PRTN3: variants seen among roughly 807,000 people sequenced by gnomAD.
The protein encoded by PRTN3 is myeloblastin.
Under a neutral mutation model 20.7 loss-of-function variants are expected in PRTN3, and 22 were observed. The ratio of observed to expected loss-of-function variants is 1.06; its 90% CI spans 0.76 to 1.52. The LOEUF (loss-of-function observed/expected upper bound fraction) is 1.52, where lower values mean the gene tolerates loss of function less well. Ranked by LOEUF, PRTN3 falls within the 40% of genes most tolerant of loss-of-function variation. The pLI is 0.00. For synonymous variants in PRTN3, 173 were observed against 152.9 expected (o/e 1.13, Z -0.97); for missense variants, 378 against 359.6 (o/e 1.05, Z -0.41).
intron 1 of PRTN3, among the ~76,000 whole-genome samples, chr19:841,877 A>G (rs12976467): frequency 0.43 from 60,248 of 141,620 alleles, 13,454 homozygotes; most frequent in Admixed American, 0.54. Context: ...ACAGGCGCCC[A>G]CCACCATGCC....
At chr19:847,038 G>A (rs902557484) in intron 4 of PRTN3, among the ~76,000 whole-genome samples, 3 of 152,164 alleles carry the variant, frequency 2.0e-5, no homozygotes, top group Admixed American at 1.3e-4. Context: ...AGCAGTGGTG[G>A]CTCACGCCTG....
At chr19:842,338 T>C (rs1462523373) in intron 1 of PRTN3, among the ~76,000 whole-genome samples, 2 of 144,014 alleles carry the variant, frequency 1.4e-5, no homozygotes, top group Non-Finnish European at 3.0e-5. Flanking sequence ...TTTTTTTTGC[T>C]TCTTTTTTTT....
chr19:842,884 C>T (rs544370242), intron 1 of PRTN3, among the ~76,000 whole-genome samples: 1 of 148,784 alleles, frequency 6.7e-6, no homozygotes, highest in Non-Finnish European at 1.5e-5. Flanking sequence ...CAACCGCACC[C>T]GACCAATTTT....
In PRTN3 at chr19:843,444, G is replaced by C. The variant is rs1486971704; in HGVS notation, c.62-17G>C. 6.5e-7 allele frequency: 1 copy of C among 1,541,696 alleles called. No homozygotes were observed. Among genetic ancestry groups the C allele is most frequent in the African/African-American group, 1.4e-5 (1 of 73,088 alleles). Reference sequence around the variant, plus strand: ...GCAGCCTGGGGGCTCCCTGACGCCTGGACTCCCCCCCTGCAGGTGCTGCCC... The same window carrying C: ...GCAGCCTGGGGGCTCCCTGACGCCTCGACTCCCCCCCTGCAGGTGCTGCCC... On this transcript the variant is annotated splice_polypyrimidine_tract_variant and intron_variant, in intron 1 of 4. Coordinates refer to ENST00000234347, the MANE Select transcript of PRTN3 (RefSeq NM_002777.4).
In PRTN3 at chr19:847,992, C is replaced by A; in HGVS notation, c.*23C>A. 6.3e-7 allele frequency: 1 copy of A among 1,579,144 alleles called. No individual in the cohort carries two copies. The highest frequency in any genetic ancestry group is 8.6e-7 in the Non-Finnish European group (1 of 1,164,010). On this transcript the variant is annotated 3_prime_UTR_variant, in exon 5 of 5. Coordinates refer to ENST00000234347, the MANE Select transcript of PRTN3 (RefSeq NM_002777.4). ...TGAACCGCCCCTCCCACAGCGCTGG[C>A]CGGGACCCCGAGCCTGGCTCCAAAC...
intron 3 of PRTN3, among the ~76,000 whole-genome samples, chr19:844,946 ATTT>A (rs1203344875): frequency 1.6e-5 from 2 of 123,108 alleles, no homozygotes; most frequent in African/African-American, 3.1e-5. Flanking sequence ...TATAAAAGAC[ATTT>A]TTTTTTTTTT....
At chr19:843,310 C>T (rs1369194761) in intron 1 of PRTN3, 151 bp from the exon 2 acceptor site, 34 of 746,994 alleles carry the variant, frequency 4.6e-5, no homozygotes, top group Non-Finnish European at 2.1e-6. Context: ...ACCCCCCCGG[C>T]CTGGGCGCTG....
At chr19:846,561 C>T (rs530254964) in intron 4 of PRTN3, among the ~76,000 whole-genome samples, 184 bp downstream of exon 4, 23 of 152,278 alleles carry the variant, frequency 1.5e-4, no homozygotes, top group Admixed American at 6.5e-4. Context: ...TCACATTGCA[C>T]CTGGCTGCTT....
At position 844,051 on chromosome 19, in the gene PRTN3, G is replaced by A. The variant is rs767114003; in HGVS notation, c.369+17G>A. On this transcript the variant is annotated intron_variant, in intron 3 of 4. Coordinates refer to ENST00000234347, the MANE Select transcript of PRTN3 (RefSeq NM_002777.4). ...CTCATCCAGGTGGGCGGGCAGGGCC[G>A]CGAGGGCTCGGAGGGGCACGGCCAG... 6 of 1,592,598 alleles carry A rather than the reference G, an allele frequency of 3.8e-6. No individual in the cohort carries two copies. Among genetic ancestry groups the A allele is most frequent in the South Asian group, 1.1e-5 (1 of 87,708 alleles).
intron 1 of PRTN3, among the ~76,000 whole-genome samples, chr19:842,882 C>T (rs1359910776): frequency 6.6e-6 from 1 of 151,666 alleles, no homozygotes; most frequent in Non-Finnish European, 1.5e-5. Context: ...GCCAACCGCA[C>T]CCGACCAATT....
chr19:842,731 G>A, intron 1 of PRTN3, among the ~76,000 whole-genome samples: 1 of 151,390 alleles, frequency 6.6e-6, no homozygotes, highest in Non-Finnish European at 1.5e-5. Flanking sequence ...GGGACTACAG[G>A]CACGTGCCAC....
In PRTN3 at chr19:843,540, G is replaced by A. The variant is rs778661634; in HGVS notation, c.141G>A (p.Met47Ile). 46 of 1,597,550 alleles carry A rather than the reference G, an allele frequency of 2.9e-5. No homozygotes were observed. The highest frequency in any genetic ancestry group is 3.7e-5 in the Non-Finnish European group (43 of 1,174,828). Reference sequence around the variant, plus strand: ...GGCCCTACATGGCCTCCCTGCAGATGCGGGGGAACCCGGGCAGCCACTTCT... The same window carrying A: ...GGCCCTACATGGCCTCCCTGCAGATACGGGGGAACCCGGGCAGCCACTTCT... ...HSRPYMASLQ[M>I]RGNPGSHFCG... Residue 47 changes from methionine (M) to isoleucine (I), a missense_variant, in exon 2 of 5, where the codon ATG (methionine) becomes ATA (isoleucine). Transcript: ENST00000234347.
At position 843,492 on chromosome 19, in the gene PRTN3, G is replaced by T; in HGVS notation, c.93G>T (p.Gly31=). Residue 31 remains glycine, a synonymous_variant, in exon 2 of 5, where the codon GGG becomes GGT. Coordinates refer to ENST00000234347, the MANE Select transcript of PRTN3 (RefSeq NM_002777.4). ...GAARAAEIVG[G]HEAQPHSRPY... ...CCCGAGCTGCGGAGATCGTGGGCGG[G>T]CACGAGGCGCAGCCACACTCCCGGC... 6.3e-7 allele frequency: 1 copy of T among 1,580,498 alleles called. No individual in the cohort carries two copies.
chr19:842,340 CTT>C (rs1043845211), intron 1 of PRTN3, among the ~76,000 whole-genome samples: 1 of 104,086 alleles, frequency 9.6e-6, no homozygotes, highest in East Asian at 2.9e-4. Context: ...TTTTTTGCTT[CTT>C]TTTTTTTATT....
At chr19:847,307 G>C (rs1044603640) in intron 4 of PRTN3, among the ~76,000 whole-genome samples, 1 of 151,590 alleles carries the variant, frequency 6.6e-6, no homozygotes, top group African/African-American at 2.4e-5. Flanking sequence ...ACCCTGTCTC[G>C]AGAGAAAGAC....
intron 3 of PRTN3, among the ~76,000 whole-genome samples, chr19:845,480 C>T (rs1205034431): frequency 6.6e-6 from 1 of 151,414 alleles, no homozygotes; most frequent in Admixed American, 6.6e-5. Flanking sequence ...TTTGGGAGGC[C>T]GAGGCGGGCG....
Position 843,568 on chromosome 19 carries a change from G to A in PRTN3, c.169G>A (p.Gly57Arg), listed in dbSNP as rs763402477. The change falls in exon 2 of 5, where the codon GGA (glycine) becomes AGA (arginine). Residue 57 changes from glycine to arginine, a missense_variant. Coordinates refer to ENST00000234347, the MANE Select transcript of PRTN3 (RefSeq NM_002777.4). ...MRGNPGSHFC[G>R]GTLIHPSFVL... The stretch of plus-strand genomic sequence containing the variant: ...GGGGAACCCGGGCAGCCACTTCTGC[G>A]GAGGCACCTTGATCCACCCCAGCTT... 3.7e-6 allele frequency: 6 copies of A among 1,603,020 alleles called. No homozygotes were observed. The highest frequency in any genetic ancestry group is 1.3e-5 in the African/African-American group (1 of 74,840).
intron 4 of PRTN3, among the ~76,000 whole-genome samples, chr19:846,640 C>T (rs778972451): frequency 4.6e-5 from 7 of 152,196 alleles, no homozygotes; most frequent in African/African-American, 7.2e-5. Flanking sequence ...GAGACCCATC[C>T]GCCCTCACCG....
rs12985857 is a variant in PRTN3 at position 841,767 on chromosome 19, G to T, written c.61+698G>T. On this transcript the variant is annotated intron_variant, in intron 1 of 4. Coordinates refer to ENST00000234347, the MANE Select transcript of PRTN3 (RefSeq NM_002777.4). The stretch of plus-strand genomic sequence containing the variant: ...TTTTGAGACGGAGTCTCGCCCTGTC[G>T]CCCAGGCTGGAGTGCAGTGGCGCGA... Among the ~76,000 whole-genome samples the T allele has an allele frequency of 1.6e-4, 19 of 119,722 alleles. 2 individuals are homozygous for T. The highest frequency in any genetic ancestry group is 6.2e-4 in the African/African-American group (19 of 30,808). The allele number at this position is 119,722 out of a possible 152,430, so 78.5% of individuals were successfully genotyped here. A position where few individuals can be genotyped will look rare whatever the true frequency, so the allele number is the denominator to read the frequency against.
Sources: allele counts gnomAD v4.1 joint callset (sites outside exome capture counted in the v4.1 genomes callset), GRCh38; gene constraint gnomAD v4.1.1; transcripts MANE v1.5; gene names NCBI Gene and HGNC (gene_info 2026-07-23, HGNC 2026-07-21).